The following ME2 variants were observed in gnomAD, a reference collection of about 807,000 sequenced individuals.
ME2 encodes malic enzyme 2.
A neutral mutation model predicts 73.7 loss-of-function variants in ME2; 60 were observed. The ratio of observed to expected loss-of-function variants is 0.81; its 90% CI spans 0.66 to 1.01. ME2 has a LOEUF of 1.01. Among genes scored for constraint, ME2 ranks in the 50% least tolerant of loss-of-function variants. The probability of loss-of-function intolerance (pLI) is 0.00; values close to 1 mark genes in which losing one functional copy is unlikely to be tolerated. For synonymous variants in ME2, 199 were observed against 236.9 expected, an observed-to-expected ratio of 0.84 and a Z score of 1.47; for missense variants, 594 against 705.5, an observed-to-expected ratio of 0.84 and a Z score of 1.79.
intron 1 of ME2, among the ~76,000 whole-genome samples, chr18:50,881,031 T>C (rs1430636870): frequency 6.6e-6 from 1 of 152,204 alleles, no homozygotes; most frequent in Non-Finnish European, 1.5e-5. Flanking sequence ...AAACTAGACA[T>C]ATTTTATTCT....
At chr18:50,884,026 G>A (rs182323065) in intron 1 of ME2, among the ~76,000 whole-genome samples, 11 of 151,898 alleles carry the variant, frequency 7.2e-5, no homozygotes, top group Admixed American at 2.6e-4. Flanking sequence ...TGTTTTCCTC[G>A]TTCTGTCTTG....
At chr18:50,895,601 G>A (rs1916719876) in intron 1 of ME2, among the ~76,000 whole-genome samples, 1 of 152,218 alleles carries the variant, frequency 6.6e-6, no homozygotes, top group South Asian at 2.1e-4. Context: ...ATACATAGTA[G>A]GTGGTACTTA....
rs199753718 is a variant in ME2, at chr18:50,901,133, A to G, written c.108+5205A>G. Among the ~76,000 whole-genome samples, 20 of 152,226 alleles carry G rather than the reference A, an allele frequency of 1.3e-4. 1 individual carries two copies. The East Asian group carries it at 2.1e-3, about 16-fold the overall frequency. On this transcript the variant is annotated intron_variant, in intron 2 of 15. Transcript: ENST00000321341. The stretch of plus-strand genomic sequence containing the variant: ...GCCCTTTTAGTGCAATTTCATCTCA[A>G]TTAACACATTTTCAGAAGTCTAAAC...
intron 1 of ME2, among the ~76,000 whole-genome samples, chr18:50,883,277 C>T (rs1177477675): frequency 1.3e-5 from 2 of 152,152 alleles, no homozygotes; most frequent in African/African-American, 4.8e-5. Context: ...GTGCTTGTTG[C>T]CCTGTCATGA....
rs964163740 is a variant in ME2 at position 50,936,815 on chromosome 18, C to A, written c.1418-2755C>A. ...GTGTGGTGACATGTGCCTGTAGTCC[C>A]AGCTACTCCAGACACCGAGGACAGA... On this transcript the variant is annotated intron_variant, in intron 13 of 15. Transcript: ENST00000321341. Among the ~76,000 whole-genome samples the A allele has an allele frequency of 2.6e-4, 40 of 151,996 alleles. 1 individual carries two copies. Among genetic ancestry groups the A allele is most frequent in the Admixed American group, 2.2e-3 (33 of 15,266 alleles).
chr18:50,950,156 A>C lies in ME2; in HGVS notation c.*2972A>C, dbSNP rs1918188740. ...GTTGTATGGAACAAATTGGATTACTAGCAAGGGTAAGGTTTATTGACAATG... is the reference window on the plus strand; with the variant it reads ...GTTGTATGGAACAAATTGGATTACTCGCAAGGGTAAGGTTTATTGACAATG... On this transcript the variant is annotated 3_prime_UTR_variant, in exon 16 of 16. Coordinates refer to ENST00000321341, the MANE Select transcript of ME2 (RefSeq NM_002396.5). The C allele has an allele frequency of 6.6e-6, 1 of 152,250 alleles. No homozygotes were observed. Among genetic ancestry groups the C allele is most frequent in the African/African-American group, 2.4e-5 (1 of 41,466 alleles). The allele number at this position is 152,250 out of a possible 1,614,324, so 9.4% of individuals were successfully genotyped here.
In ME2 at chr18:50,895,960, T is replaced by G. The variant is rs750050593; in HGVS notation, c.108+32T>G. 5 of 1,406,148 alleles carry G rather than the reference T, an allele frequency of 3.6e-6. No homozygotes were observed. In the African/African-American group the frequency reaches 4.3e-5, roughly 12 times the overall value. The allele number at this position is 1,406,148 out of a possible 1,614,324, so 87.1% of individuals were successfully genotyped here. A position where few individuals can be genotyped will look rare whatever the true frequency, so the allele number is the denominator to read the frequency against. ...AACATTAATATCAATGTACATTTTC[T>G]CTCTTCTTATTAAAGTTTGATATAT... On this transcript the variant is annotated intron_variant, in intron 2 of 15. Transcript: ENST00000321341.
intron 3 of ME2, among the ~76,000 whole-genome samples, chr18:50,911,615 G>A (rs1305479126): frequency 2.0e-5 from 3 of 152,236 alleles, no homozygotes; most frequent in Admixed American, 1.3e-4. Flanking sequence ...CAGAGAGCAC[G>A]CCACCTGAGC....
intron 1 of ME2, among the ~76,000 whole-genome samples, chr18:50,880,804 TTAG>T (rs1415731504): frequency 6.6e-6 from 1 of 152,240 alleles, no homozygotes; most frequent in African/African-American, 2.4e-5. Flanking sequence ...ATATTTATGC[TTAG>T]TAGCTATTTC....
At chr18:50,896,939 T>G (rs534908312) in intron 2 of ME2, among the ~76,000 whole-genome samples, 6 of 152,300 alleles carry the variant, frequency 3.9e-5, no homozygotes, top group African/African-American at 1.4e-4. Flanking sequence ...ATTCTGATCT[T>G]CTCTTGTTTG....
chr18:50,941,349 G>GTTTTTTT (rs1568176416), intron 15 of ME2, among the ~76,000 whole-genome samples: 3 of 105,320 alleles, frequency 2.8e-5, no homozygotes, highest in South Asian at 3.0e-4. Context: ...ATTTGTGATG[G>GTTTTTTT]TTTCTTTTTT....
chr18:50,925,911 A>C lies in ME2; in HGVS notation c.1314+13A>C, dbSNP rs1199502848. On this transcript the variant is annotated intron_variant, in intron 12 of 15. Coordinates refer to ENST00000321341, the MANE Select transcript of ME2 (RefSeq NM_002396.5). The stretch of plus-strand genomic sequence containing the variant: ...TACACTTACAGAGGTATTAATAATC[A>C]CATGAATTGATATGTATATTATTTT... 1.9e-6 allele frequency: 3 copies of C among 1,567,670 alleles called. No individual in the cohort carries two copies.
chr18:50,892,543 C>A (rs1378828462), intron 1 of ME2, among the ~76,000 whole-genome samples: 2 of 152,154 alleles, frequency 1.3e-5, no homozygotes. Flanking sequence ...CTGTTAGTTT[C>A]TGTGTTGGTG....
intron 12 of ME2, among the ~76,000 whole-genome samples, chr18:50,931,401 TG>T (rs753771389): frequency 2.6e-5 from 4 of 152,250 alleles, no homozygotes; most frequent in Non-Finnish European, 5.9e-5. Flanking sequence ...ACAGTTTTGA[TG>T]TGTGACTTTT....
Position 50,896,194 on chromosome 18 carries a change from C to T in ME2, c.108+266C>T, listed in dbSNP as rs145123586. Among the ~76,000 whole-genome samples, 1,310 of 152,176 alleles carry T rather than the reference C, an allele frequency of 8.6e-3. 13 individuals carry two copies. The highest frequency in any genetic ancestry group is 0.024 in the Middle Eastern group (7 of 294). On this transcript the variant is annotated intron_variant, in intron 2 of 15. Coordinates refer to ENST00000321341, the MANE Select transcript of ME2 (RefSeq NM_002396.5). ...TTTAAAAAATAAAAAATAAAAAATC[C>T]CAGAATAGTGCTTTGGCCAGGACTT...
chr18:50,905,998 G>T (rs1396661276), intron 2 of ME2, among the ~76,000 whole-genome samples: 1 of 152,184 alleles, frequency 6.6e-6, no homozygotes, highest in African/African-American at 2.4e-5. Context: ...TTTTATTTTT[G>T]GTTTGCAGTA....
chr18:50,943,836 C>G (rs915487109), intron 15 of ME2, among the ~76,000 whole-genome samples: 3 of 152,036 alleles, frequency 2.0e-5, no homozygotes, highest in Non-Finnish European at 1.5e-5. Flanking sequence ...GATTTTAGAG[C>G]CCAGAACTAG....
chr18:50,942,162 T>C (rs1333246880), intron 15 of ME2, among the ~76,000 whole-genome samples: 1 of 152,174 alleles, frequency 6.6e-6, no homozygotes, highest in Non-Finnish European at 1.5e-5. Context: ...TTTTAATCTC[T>C]CTGGGATTTA....
chr18:50,928,543 T>C lies in ME2; in HGVS notation c.1314+2645T>C, dbSNP rs78673054. On this transcript the variant is annotated intron_variant, in intron 12 of 15. Transcript: ENST00000321341. ...ATGAGCCACTGCGCCCGGACTGTTT[T>C]TGTTTTTCTTAATTGAGTGATGGAT... 4.1e-3 allele frequency among the ~76,000 whole-genome samples: 623 copies of C among 152,316 alleles called. 10 individuals carry two copies. The East Asian group carries it at 0.057, about 14-fold the overall frequency.
Sources: gnomAD v4.1 joint callset for allele counts (sites outside exome capture counted in the v4.1 genomes callset) on GRCh38, gnomAD v4.1.1 for gene constraint, MANE v1.5 for transcripts, NCBI Gene and HGNC (gene_info 2026-07-23, HGNC 2026-07-21) for gene names.